WNK2: variants seen among roughly 807,000 people sequenced by gnomAD.
WNK2 encodes WNK lysine deficient protein kinase 2, also known as serine/threonine-protein kinase WNK2.
In WNK2, 67 loss-of-function variants were observed where a neutral mutation model predicts 192.1. The ratio of observed to expected loss-of-function variants is 0.35; its 90% CI spans 0.29 to 0.43. WNK2 has a LOEUF of 0.43. Ranked by LOEUF, WNK2 falls within the 20% of genes least tolerant of loss-of-function variation. The probability of loss-of-function intolerance (pLI) is 1.00; values close to 1 mark genes in which losing one functional copy is unlikely to be tolerated. For missense variants in WNK2, 2,698 were observed against 3,089.7 expected (o/e 0.87, Z 3.01); for synonymous variants, 1,439 against 1,393.9 (o/e 1.03, Z -0.72).
intron 7 of WNK2, among the ~76,000 whole-genome samples, chr9:93,241,985 C>T (rs1840852873): frequency 6.6e-6 from 1 of 152,178 alleles, no homozygotes; most frequent in Non-Finnish European, 1.5e-5. Context: ...ACGCTTCCTG[C>T]TGCTCCTAAC....
rs1843905809 is a variant in WNK2, at chr9:93,259,726, C to G, written c.3066+112C>G. ...AGGAGGCAGCCCTGCCTGGGGTCGC[C>G]CCTCTCAGGAAGAGATGTGTGTGAG... On this transcript the variant is annotated intron_variant, in intron 12 of 29. Coordinates refer to ENST00000427277, the MANE Select transcript of WNK2 (RefSeq NM_006648.4). This position sits in a 1 kb window ranked among gnomAD's most constrained non-coding sequence, Gnocchi z 4.8. The G allele has an allele frequency of 4.7e-6, 5 of 1,065,030 alleles. No individual in the cohort carries two copies. The highest frequency in any genetic ancestry group is 1.6e-5 in the African/African-American group (1 of 62,774). The allele number at this position is 1,065,030 out of a possible 1,614,324, so 66.0% of individuals were successfully genotyped here. A position where few individuals can be genotyped will look rare whatever the true frequency, so the allele number is the denominator to read the frequency against.
In WNK2 at chr9:93,234,944, G is replaced by T; in HGVS notation, c.1212G>T (p.Gln404His). ...ACTCGGAGTGCCAGAATGCGGCCCA[G>T]ATCTACCGCAAGGTCACCTGTGTGA... ...YPYSECQNAA[Q>H]IYRKVTCGIK... The change falls in exon 5 of 30, where the codon CAG becomes CAT. Residue 404 changes from glutamine (Q) to histidine (H), a missense_variant. By Grantham distance (24) the Gln-to-His change is conservative. This residue lies in a region of WNK2 where 230 missense variants were observed against 501.1 expected (regional missense o/e 0.46). Coordinates refer to ENST00000427277, the MANE Select transcript of WNK2 (RefSeq NM_006648.4). 1 of 1,614,116 alleles carries T rather than the reference G, an allele frequency of 6.2e-7. No homozygotes were observed. The highest frequency in any genetic ancestry group is 8.5e-7 in the Non-Finnish European group (1 of 1,179,954).
At chr9:93,314,860 A>G (rs1202555367) in intron 28 of WNK2, among the ~76,000 whole-genome samples, 1 of 152,100 alleles carries the variant, frequency 6.6e-6, no homozygotes, top group Non-Finnish European at 1.5e-5. Context: ...CATTGTCGTG[A>G]TGGAGATGGA....
In WNK2 at chr9:93,268,907, A is replaced by C. The variant is rs367897100; in HGVS notation, c.4033+161A>C. 1.2e-4 allele frequency: 188 copies of C among 1,562,610 alleles called. No individual in the cohort carries two copies. In the African/African-American group the frequency reaches 2.2e-3, roughly 18 times the overall value. ...GAGCAGCCTGTGGGGCTGTGTTCCT[A>C]TCCTTGTTTTCTGCTGAATCAGCTC... On this transcript the variant is annotated intron_variant, in intron 19 of 29. Coordinates refer to ENST00000427277, the MANE Select transcript of WNK2 (RefSeq NM_006648.4).
chr9:93,268,733 A>G lies in WNK2; in HGVS notation c.4020A>G (p.Pro1340=), dbSNP rs763261029. 1.2e-6 allele frequency: 2 copies of G among 1,612,510 alleles called. No individual in the cohort carries two copies. The highest frequency in any genetic ancestry group is 1.7e-5 in the Admixed American group (1 of 59,952). Residue 1340 remains proline (P), a synonymous_variant, in exon 19 of 30, where the codon CCA becomes CCG. Transcript: ENST00000427277. ...SPPLPLSSLP[P]EASQDSAPYK... ...CACTTCCTCTAAGCTCCCTGCCGCC[A>G]GAAGCCAGCCAAGGTATGAGCAGCA...
chr9:93,256,800 G>A, intron 10 of WNK2, 148 bp from the exon 11 acceptor site: 1 of 773,486 alleles, frequency 1.3e-6, no homozygotes, highest in Non-Finnish European at 2.0e-6. Flanking sequence ...GTGTGACTGT[G>A]CAAGTGTGTG....
Position 93,184,998 on chromosome 9 carries a change from C to G in WNK2, c.69C>G (p.Pro23=). The G allele has an allele frequency of 2.4e-6, 3 of 1,244,826 alleles. No homozygotes were observed. Among genetic ancestry groups the G allele is most frequent in the Non-Finnish European group, 3.0e-6 (3 of 999,434 alleles). The allele number at this position is 1,244,826 out of a possible 1,614,324, so 77.1% of individuals were successfully genotyped here. A position where few individuals can be genotyped will look rare whatever the true frequency, so the allele number is the denominator to read the frequency against. The change falls in exon 2 of 30, where the codon CCC becomes CCG. Residue 23 remains proline, a synonymous_variant. Coordinates refer to ENST00000427277, the MANE Select transcript of WNK2 (RefSeq NM_006648.4). ...TLMEPGRGAG[P]AGMAEPRAKA... ...TGGAGCCCGGGCGCGGCGCGGGGCC[C>G]GCGGGCATGGCGGAGCCTCGGGCGA...
chr9:93,267,267 TA>T, intron 16 of WNK2: 1 of 157,652 alleles, frequency 6.3e-6, no homozygotes, highest in Non-Finnish European at 1.4e-5. Flanking sequence ...CATCCTGCTA[TA>T]ACCTTCCCGT....
At chr9:93,302,843 C>G (rs1353261976) in intron 26 of WNK2, among the ~76,000 whole-genome samples, 2 of 152,194 alleles carry the variant, frequency 1.3e-5, no homozygotes, top group African/African-American at 4.8e-5. Flanking sequence ...GCATAGACTT[C>G]TCACCCAGCT....
intron 8 of WNK2, among the ~76,000 whole-genome samples, chr9:93,248,916 T>A (rs546251006): frequency 6.6e-6 from 1 of 152,402 alleles, no homozygotes; most frequent in South Asian, 2.1e-4. Context: ...GTGCAAAGAC[T>A]GAAATAGTCT....
At chr9:93,293,845 C>T (rs1849772960) in intron 23 of WNK2, among the ~76,000 whole-genome samples, 1 of 151,952 alleles carries the variant, frequency 6.6e-6, no homozygotes, top group Admixed American at 6.6e-5. Flanking sequence ...TCTCTCTCTC[C>T]CCTTTCATTC....
Position 93,264,079 on chromosome 9 carries a change from C to T in WNK2, c.3696+46C>T, listed in dbSNP as rs76801063. The T allele has an allele frequency of 3.7e-3, 5,312 of 1,430,000 alleles. 101 individuals are homozygous for T. The East Asian group carries it at 0.041, about 11-fold the overall frequency. 88.6% of individuals were successfully genotyped at this position (1,430,000 alleles called of 1,614,324 possible). A position where few individuals can be genotyped will look rare whatever the true frequency, so the allele number is the denominator to read the frequency against. On this transcript the variant is annotated intron_variant, in intron 16 of 29. Coordinates refer to ENST00000427277, the MANE Select transcript of WNK2 (RefSeq NM_006648.4). Reference sequence around the variant, plus strand: ...CTTGGCTCCCGGTGTTTCTTGGACACGTGTGGGCCTGAGCAGAGCGCCACA... The same window carrying T: ...CTTGGCTCCCGGTGTTTCTTGGACATGTGTGGGCCTGAGCAGAGCGCCACA...
chr9:93,226,677 A>G (rs1837872430), intron 2 of WNK2, among the ~76,000 whole-genome samples: 2 of 152,296 alleles, frequency 1.3e-5, no homozygotes, highest in South Asian at 2.1e-4. Flanking sequence ...TCCCCCAGAT[A>G]TTAGTCTGCC....
At position 93,299,094 on chromosome 9, in the gene WNK2, G is replaced by T; in HGVS notation, c.5948G>T (p.Gly1983Val). The T allele has an allele frequency of 6.2e-7, 1 of 1,610,760 alleles. No homozygotes were observed. ...STGHLADSSRGPPAKDPAQAS... is the reference protein window; with the variant it reads ...STGHLADSSRVPPAKDPAQAS... ...GGTCACTTGGCTGACTCCAGCAGAG[G>T]CCCTCCCGCTAAGGACCCTGCCCAA... Residue 1983 changes from glycine to valine, a missense_variant, in exon 25 of 30, where the codon GGC (glycine) becomes GTC (valine). Coordinates refer to ENST00000427277, the MANE Select transcript of WNK2 (RefSeq NM_006648.4).
rs534960007 is a variant in WNK2 at position 93,304,443 on chromosome 9, C to T, written c.6215-2334C>T. 4.2e-3 allele frequency among the ~76,000 whole-genome samples: 639 copies of T among 152,376 alleles called. 2 individuals are homozygous for T. Among genetic ancestry groups the T allele is most frequent in the African/African-American group, 0.013 (543 of 41,594 alleles). On this transcript the variant is annotated intron_variant, in intron 26 of 29. Transcript: ENST00000427277. ...AGCTGGGATGAGGCTGCCAAGCCCC[C>T]GCCCCAGCACCACTGAGCAGTCCAG...
intron 18 of WNK2, 78 bp from the exon 19 acceptor site, chr9:93,268,549 T>C: frequency 6.4e-7 from 1 of 1,553,818 alleles, no homozygotes; most frequent in Middle Eastern, 2.1e-4. Context: ...GTGGCAAGTC[T>C]GGTGCAGGTG....
rs1452896570 is a variant in WNK2 at position 93,229,713 on chromosome 9, G to A, written c.699G>A (p.Lys233=). ...WCELQDRKLT[K]LERQRFKEEA... ...CCCTGTAGGACCGGAAGCTCACCAA[G>A]CTGGAGCGGCAGCGGTTCAAGGAAG... is the stretch of plus-strand genomic sequence containing the variant. The change falls in exon 3 of 30, where the codon AAG becomes AAA. Residue 233 remains lysine (K), a synonymous_variant. Transcript: ENST00000427277. This position sits in a 1 kb window ranked among gnomAD's most constrained non-coding sequence, Gnocchi z 4.9. 10 of 1,613,312 alleles carry A rather than the reference G, an allele frequency of 6.2e-6. No individual in the cohort carries two copies. Among genetic ancestry groups the A allele is most frequent in the South Asian group, 2.2e-5 (2 of 90,962 alleles).
intron 19 of WNK2, among the ~76,000 whole-genome samples, chr9:93,276,259 G>A (rs975645121): frequency 2.0e-5 from 3 of 152,164 alleles, no homozygotes; most frequent in African/African-American, 7.2e-5. Context: ...ACACACATCG[G>A]TGGAACAGAA....
At position 93,282,135 on chromosome 9, in the gene WNK2, T is replaced by C. The variant is rs1847835086; in HGVS notation, c.4034-6653T>C. Among the ~76,000 whole-genome samples the C allele has an allele frequency of 2.0e-5, 3 of 152,202 alleles. No homozygotes were observed. The South Asian group carries it at 6.2e-4, about 32-fold the overall frequency. Reference sequence around the variant, plus strand: ...GTTTAAAATGTTTGGCATGTTAAAATGCATGAAAATGGGGCATATTTATCA... The same window carrying C: ...GTTTAAAATGTTTGGCATGTTAAAACGCATGAAAATGGGGCATATTTATCA... On this transcript the variant is annotated intron_variant, in intron 19 of 29. Coordinates refer to ENST00000427277, the MANE Select transcript of WNK2 (RefSeq NM_006648.4).
Sources: allele counts gnomAD v4.1 joint callset (sites outside exome capture counted in the v4.1 genomes callset), GRCh38; gene constraint gnomAD v4.1.1; regional missense constraint gnomAD v4.1.1; non-coding constraint Gnocchi (gnomAD v3.1); transcripts MANE v1.5; gene names NCBI Gene and HGNC (gene_info 2026-07-23, HGNC 2026-07-21).